SLC39A10: variants seen among roughly 807,000 people sequenced by gnomAD.
The protein encoded by SLC39A10 is zinc transporter ZIP10.
A neutral mutation model predicts 65.1 loss-of-function variants in SLC39A10; 13 were observed. The ratio of observed to expected loss-of-function variants is 0.20; its 90% CI spans 0.13 to 0.32. The LOEUF is 0.32. Ranked by LOEUF, SLC39A10 falls within the 10% of genes least tolerant of loss-of-function variation. The probability of loss-of-function intolerance (pLI) is 1.00; values close to 1 mark genes in which losing one functional copy is unlikely to be tolerated. For missense variants in SLC39A10, 831 were observed against 1,018.4 expected (o/e 0.82, Z 2.50); for synonymous variants, 321 against 342.2 (o/e 0.94, Z 0.68).
At chr2:195,725,519 A>G (rs1277133091) in intron 8 of SLC39A10, among the ~76,000 whole-genome samples, 1 of 152,188 alleles carries the variant, frequency 6.6e-6, no homozygotes, top group Non-Finnish European at 1.5e-5. Flanking sequence ...TGGAACAGCT[A>G]GAGCTCCTAT....
Position 195,736,825 on chromosome 2 carries a change from C to T in SLC39A10, c.*1784C>T, listed in dbSNP as rs1462311047. 3 of 152,556 alleles carry T rather than the reference C, an allele frequency of 2.0e-5. No homozygotes were observed. Among genetic ancestry groups the T allele is most frequent in the Non-Finnish European group, 4.4e-5 (3 of 68,018 alleles). 9.5% of individuals were successfully genotyped at this position (152,556 alleles called of 1,614,324 possible). A position where few individuals can be genotyped will look rare whatever the true frequency, so the allele number is the denominator to read the frequency against. On this transcript the variant is annotated 3_prime_UTR_variant, in exon 10 of 10. Coordinates refer to ENST00000359634, the MANE Select transcript of SLC39A10 (RefSeq NM_020342.3). ...TCTCATTGCTTGGCCCTTCAAGCAACCTAGCTAAAAGGTGCTGATATTTTA... is the reference window on the plus strand; with the variant it reads ...TCTCATTGCTTGGCCCTTCAAGCAATCTAGCTAAAAGGTGCTGATATTTTA...
At chr2:195,699,255 C>T (rs1691089506) in intron 3 of SLC39A10, among the ~76,000 whole-genome samples, 1 of 151,820 alleles carries the variant, frequency 6.6e-6, no homozygotes, top group African/African-American at 2.4e-5. Context: ...CTATAGGTTT[C>T]ATTGATTTTG....
intron 9 of SLC39A10, among the ~76,000 whole-genome samples, chr2:195,733,900 A>G (rs1370044024): frequency 6.6e-6 from 1 of 152,154 alleles, no homozygotes; most frequent in African/African-American, 2.4e-5. Flanking sequence ...AATTTTAACA[A>G]TATTAAGAGA....
intron 2 of SLC39A10, among the ~76,000 whole-genome samples, chr2:195,630,180 T>A (rs532662320): frequency 1.3e-5 from 2 of 149,630 alleles, no homozygotes. Flanking sequence ...CTGAGACAAG[T>A]TTAATAAACT....
At chr2:195,618,580 T>C (rs1198667191) in intron 2 of SLC39A10, among the ~76,000 whole-genome samples, 3 of 152,258 alleles carry the variant, frequency 2.0e-5, no homozygotes, top group Non-Finnish European at 4.4e-5. Flanking sequence ...CAATTTTTCA[T>C]GGCACTTTTC....
At chr2:195,676,215 T>C (rs1316916657) in intron 1 of SLC39A10, among the ~76,000 whole-genome samples, 1 of 151,742 alleles carries the variant, frequency 6.6e-6, no homozygotes, top group African/African-American at 2.4e-5. Context: ...AGAGTCTTGC[T>C]GTGTCTCCCA....
At chr2:195,674,731 T>A in intron 1 of SLC39A10, 17 of 821,224 alleles carry the variant, frequency 2.1e-5, no homozygotes, top group Non-Finnish European at 2.4e-5. Context: ...GTGAACATCA[T>A]AGAGTATACT....
At chr2:195,648,996 G>A (rs1302591346) in intron 2 of SLC39A10, among the ~76,000 whole-genome samples, 1 of 152,148 alleles carries the variant, frequency 6.6e-6, no homozygotes, top group South Asian at 2.1e-4. Context: ...TGGGTGTGAT[G>A]AAATCATTGG....
chr2:195,701,558 TCTC>T (rs1691196587), intron 3 of SLC39A10, among the ~76,000 whole-genome samples: 1 of 151,592 alleles, frequency 6.6e-6, no homozygotes, highest in African/African-American at 2.4e-5. Flanking sequence ...GTCAGATTCT[TCTC>T]CTTCCCCAGG....
At chr2:195,663,002 A>G (rs1689467287) in intron 1 of SLC39A10, among the ~76,000 whole-genome samples, 1 of 152,140 alleles carries the variant, frequency 6.6e-6, no homozygotes, top group African/African-American at 2.4e-5. Flanking sequence ...ATGCTTTATT[A>G]TGCTTGGAGT....
At chr2:195,725,657 A>G (rs1439105) in intron 8 of SLC39A10, among the ~76,000 whole-genome samples, 26,115 of 152,178 alleles carry the variant, frequency 0.17, 2,571 homozygotes, top group African/African-American at 0.26. Context: ...AAGCCTGTTT[A>G]TGAATGTGTG....
At chr2:195,633,306 C>T (rs895953745) in intron 2 of SLC39A10, among the ~76,000 whole-genome samples, 3 of 152,234 alleles carry the variant, frequency 2.0e-5, no homozygotes, top group Admixed American at 6.5e-5. Flanking sequence ...GGAGGGAGCA[C>T]GCAGGTGAGC....
intron 2 of SLC39A10, among the ~76,000 whole-genome samples, chr2:195,631,231 T>C (rs1574203918): frequency 6.6e-6 from 1 of 151,660 alleles, no homozygotes; most frequent in Non-Finnish European, 1.5e-5. Context: ...TATATCAGCT[T>C]TATGACATAG....
chr2:195,632,242 T>G (rs139654434), intron 2 of SLC39A10, among the ~76,000 whole-genome samples: 109 of 150,840 alleles, frequency 7.2e-4, no homozygotes, highest in African/African-American at 2.5e-3. Flanking sequence ...TCTGTGAAAT[T>G]TGAGTGGTAA....
chr2:195,699,321 C>T (rs1178613560), intron 3 of SLC39A10, among the ~76,000 whole-genome samples: 1 of 151,762 alleles, frequency 6.6e-6, no homozygotes. Flanking sequence ...ATTCTTCCTT[C>T]TGCTAGTCTT....
At chr2:195,657,653 C>G (rs1574228360) in intron 1 of SLC39A10, 1 of 983,968 alleles carries the variant, frequency 1.0e-6, no homozygotes, top group Non-Finnish European at 1.2e-6. Flanking sequence ...GGGGAGTGAC[C>G]GCTGGGCGGG....
intron 1 of SLC39A10, among the ~76,000 whole-genome samples, chr2:195,668,118 T>A: frequency 6.6e-6 from 1 of 152,182 alleles, no homozygotes; most frequent in Non-Finnish European, 1.5e-5. Context: ...GCACACAGCC[T>A]CACTGCTTCT....
Position 195,717,001 on chromosome 2 carries a change from A to G in SLC39A10, c.2061A>G (p.Ala687=). ...TCCACAACTTCAGTGATGGGCTCGCAATTGGTAAGTGGACTGGAAACCACT... is the reference window on the plus strand; with the variant it reads ...TCCACAACTTCAGTGATGGGCTCGCGATTGGTAAGTGGACTGGAAACCACT... ...DGIHNFSDGL[A]IGAAFSAGLT... The change falls in exon 7 of 10, where the codon GCA becomes GCG. Residue 687 remains alanine, a synonymous_variant. Transcript: ENST00000359634. 6.2e-7 allele frequency: 1 copy of G among 1,612,894 alleles called. No homozygotes were observed. The highest frequency in any genetic ancestry group is 8.5e-7 in the Non-Finnish European group (1 of 1,179,266).
chr2:195,639,804 G>A (rs1396862323), intron 2 of SLC39A10, among the ~76,000 whole-genome samples: 3 of 152,060 alleles, frequency 2.0e-5, no homozygotes, highest in Admixed American at 2.0e-4. Context: ...TTGAACTCCT[G>A]ACCACCTGGC....
Sources: gnomAD v4.1 joint callset for allele counts (sites outside exome capture counted in the v4.1 genomes callset) on GRCh38, gnomAD v4.1.1 for gene constraint, MANE v1.5 for transcripts, NCBI Gene and HGNC (gene_info 2026-07-23, HGNC 2026-07-21) for gene names.